The following MAD1L1 variants were observed in gnomAD, a reference collection of about 807,000 sequenced individuals.
The protein encoded by MAD1L1 is mitotic spindle assembly checkpoint protein MAD1.
MAD1L1 carries 95 observed loss-of-function variants against 96.9 expected under a neutral mutation model. The ratio of observed to expected loss-of-function variants is 0.98; its 90% confidence interval spans 0.83 to 1.16. MAD1L1 has a LOEUF of 1.16. Among genes scored for constraint, MAD1L1 ranks in the 50% most tolerant of loss-of-function variants. MAD1L1 has a pLI of 0.00. For missense variants in MAD1L1, 1,007 were observed against 954.4 expected (o/e 1.06, Z -0.73); for synonymous variants, 473 against 396.6 (o/e 1.19, Z -2.29).
intron 18 of MAD1L1, among the ~76,000 whole-genome samples, chr7:1,835,354 G>A (rs1782892545): frequency 6.6e-6 from 1 of 152,228 alleles, no homozygotes; most frequent in Non-Finnish European, 1.5e-5. Flanking sequence ...CAAGCATCCA[G>A]TGTGGGCAAG....
Position 1,940,990 on chromosome 7 carries a change from C to CCAGGCCTCAGCCTCCTCTTCCTCCCCCCG in MAD1L1, c.1597-4094_1597-4093insCGGGGGGAGGAAGAGGAGGCTGAGGCCTG, listed in dbSNP as rs1562545546. On this transcript the variant is annotated intron_variant, in intron 16 of 18. Transcript: ENST00000265854. ...CAGGCCTCACCCTCCTCTTCCTCTC[C>CCAGGCCTCAGCCTCCTCTTCCTCCCCCCG]CAGGCCTCAGCCTCCTCTTCCTCCC... Among the ~76,000 whole-genome samples the CCAGGCCTCAGCCTCCTCTTCCTCCCCCCG allele has an allele frequency of 4.6e-3, 646 of 139,422 alleles. 11 individuals carry two copies. Among genetic ancestry groups the CCAGGCCTCAGCCTCCTCTTCCTCCCCCCG allele is most frequent in the Admixed American group, 9.7e-3 (137 of 14,120 alleles). 91.5% of individuals were successfully genotyped at this position (139,422 alleles called of 152,430 possible). A position where few individuals can be genotyped will look rare whatever the true frequency, so the allele number is the denominator to read the frequency against.
chr7:1,898,039 G>T lies in MAD1L1; in HGVS notation c.1998+161C>A, dbSNP rs547054956. The T allele has an allele frequency of 9.4e-6, 7 of 743,130 alleles. No individual in the cohort carries two copies. The Admixed American group carries it at 1.5e-4, about 16-fold the overall frequency. 46.0% of individuals were successfully genotyped at this position (743,130 alleles called of 1,614,324 possible). A position where few individuals can be genotyped will look rare whatever the true frequency, so the allele number is the denominator to read the frequency against. ...TTGGCCCAAGGCTGAGAAGCCTCAG[G>T]GGGTGACGAGGACGGGCCAGTGCAC... On this transcript the variant is annotated intron_variant, in intron 18 of 18. Coordinates refer to ENST00000265854, the MANE Select transcript of MAD1L1 (RefSeq NM_001013836.2).
At chr7:1,897,593 C>A (rs1316497430) in intron 18 of MAD1L1, among the ~76,000 whole-genome samples, 2 of 152,216 alleles carry the variant, frequency 1.3e-5, no homozygotes, top group Non-Finnish European at 2.9e-5. Flanking sequence ...ACACATAACA[C>A]CCCAATTTCT....
intron 16 of MAD1L1, among the ~76,000 whole-genome samples, chr7:1,948,547 C>A (rs1314415871): frequency 1.3e-5 from 2 of 152,242 alleles, no homozygotes; most frequent in Admixed American, 6.5e-5. Context: ...GGCCTGAGAC[C>A]CTGCTGGGCA....
At chr7:1,981,203 G>A (rs1255443606) in intron 14 of MAD1L1, among the ~76,000 whole-genome samples, 2 of 152,182 alleles carry the variant, frequency 1.3e-5, no homozygotes, top group Non-Finnish European at 2.9e-5. Flanking sequence ...CTGACCTCGG[G>A]TGATTCACCC....
chr7:1,982,013 C>T (rs1274968971), intron 14 of MAD1L1, among the ~76,000 whole-genome samples: 2 of 152,082 alleles, frequency 1.3e-5, no homozygotes, highest in African/African-American at 4.8e-5. Context: ...GCGCCCCAGG[C>T]CCCCGACTCT....
chr7:2,146,053 G>A lies in MAD1L1; in HGVS notation c.1073+3099C>T, dbSNP rs377683144. Among the ~76,000 whole-genome samples the A allele has an allele frequency of 6.6e-5, 10 of 152,344 alleles. 1 individual carries two copies. The highest frequency in any genetic ancestry group is 2.2e-4 in the African/African-American group (9 of 41,586). On this transcript the variant is annotated intron_variant, in intron 11 of 18. Transcript: ENST00000265854. This position sits in a 1 kb window ranked among gnomAD's most constrained non-coding sequence, Gnocchi z 6.2. ...CCAGGAAGTGCATCAAGACTGCGTG[G>A]TGTAGGCTGCTCACAGCGGCACACT...
intron 3 of MAD1L1, among the ~76,000 whole-genome samples, chr7:2,227,351 A>G (rs1350143836): frequency 7.9e-5 from 12 of 152,198 alleles, no homozygotes; most frequent in Admixed American, 5.9e-4. Context: ...TCACATGCAC[A>G]TGAAAGGTTG....
At chr7:2,037,057 C>G (rs960877160) in intron 12 of MAD1L1, among the ~76,000 whole-genome samples, 2 of 152,186 alleles carry the variant, frequency 1.3e-5, no homozygotes, top group Non-Finnish European at 2.9e-5. Flanking sequence ...CACAGCTCCC[C>G]CCACAGCATG....
At chr7:2,058,603 G>A (rs141604175) in intron 12 of MAD1L1, among the ~76,000 whole-genome samples, 6,746 of 56,090 alleles carry the variant, frequency 0.12, 800 homozygotes, top group East Asian at 0.22. Context: ...GAGGAGAGGC[G>A]CGGGGCTAGA....
At chr7:2,067,685 C>A (rs996064323) in intron 12 of MAD1L1, among the ~76,000 whole-genome samples, 3 of 152,270 alleles carry the variant, frequency 2.0e-5, no homozygotes, top group African/African-American at 7.2e-5. Flanking sequence ...TCTCCTCCCG[C>A]TCCAGGCCTC....
Position 2,079,530 on chromosome 7 carries a change from T to G in MAD1L1, c.1074-10192A>C, listed in dbSNP as rs551889786. Among the ~76,000 whole-genome samples, 6 of 152,302 alleles carry G rather than the reference T, an allele frequency of 3.9e-5. No homozygotes were observed. In the South Asian group the frequency reaches 1.2e-3, roughly 32 times the overall value. On this transcript the variant is annotated intron_variant, in intron 11 of 18. Coordinates refer to ENST00000265854, the MANE Select transcript of MAD1L1 (RefSeq NM_001013836.2). The stretch of plus-strand genomic sequence containing the variant: ...TCTGATGAACGCTCTGTTCCCAACA[T>G]CTCGTCAACTGGAATCACCAAATTC...
chr7:2,188,518 G>A (rs1791566568), intron 10 of MAD1L1, among the ~76,000 whole-genome samples: 1 of 152,176 alleles, frequency 6.6e-6, no homozygotes, highest in Non-Finnish European at 1.5e-5. Flanking sequence ...ATACAGTAGA[G>A]ATCCCAGAAA....
At chr7:2,232,724 C>T (rs1162762303) in intron 1 of MAD1L1, 148 bp downstream of exon 1, 2 of 152,666 alleles carry the variant, frequency 1.3e-5, no homozygotes, top group Middle Eastern at 3.1e-3. Context: ...GGAGACGGGG[C>T]GGGCGCGGGG....
At chr7:1,896,213 G>T (rs1786859541) in intron 18 of MAD1L1, among the ~76,000 whole-genome samples, 1 of 152,224 alleles carries the variant, frequency 6.6e-6, no homozygotes, top group Non-Finnish European at 1.5e-5. Context: ...GGAAAGGAGG[G>T]CAGGGGTTCC....
Position 1,815,942 on chromosome 7 carries a change from T to TGTCA in MAD1L1, c.*124_*127dup, listed in dbSNP as rs776575067. The TGTCA allele has an allele frequency of 2.5e-5, 28 of 1,141,258 alleles. No individual in the cohort carries two copies. In the East Asian group the frequency reaches 2.6e-4, roughly 11 times the overall value. The allele number at this position is 1,141,258 out of a possible 1,614,324, so 70.7% of individuals were successfully genotyped here. On this transcript the variant is annotated 3_prime_UTR_variant, in exon 19 of 19. Coordinates refer to ENST00000265854, the MANE Select transcript of MAD1L1 (RefSeq NM_001013836.2). ...AGCCCGACGTAGGTCCCAGCGTGTC[T>TGTCA]GTCAGTCATGCTGCTGCCCTGTGGG...
At chr7:2,010,406 C>G (rs560085613) in intron 13 of MAD1L1, among the ~76,000 whole-genome samples, 1 of 152,192 alleles carries the variant, frequency 6.6e-6, no homozygotes, top group African/African-American at 2.4e-5. Flanking sequence ...CACCTCCACA[C>G]GGCCAGCAGC....
intron 10 of MAD1L1, among the ~76,000 whole-genome samples, chr7:2,201,661 C>G (rs191743651): frequency 2.6e-4 from 39 of 152,326 alleles, no homozygotes; most frequent in African/African-American, 8.4e-4. Flanking sequence ...AAAAGAGCTC[C>G]GAGACCAAGT....
chr7:1,911,321 C>T (rs180739627), intron 17 of MAD1L1, among the ~76,000 whole-genome samples: 261 of 152,258 alleles, frequency 1.7e-3, no homozygotes, highest in African/African-American at 5.9e-3. Context: ...CTCCCTCCTC[C>T]TCAGGCCCCA....
Sources: allele counts gnomAD v4.1 joint callset (sites outside exome capture counted in the v4.1 genomes callset), GRCh38; gene constraint gnomAD v4.1.1; non-coding constraint Gnocchi (gnomAD v3.1); transcripts MANE v1.5; gene names NCBI Gene and HGNC (gene_info 2026-07-23, HGNC 2026-07-21).